NYX: variants seen among roughly 807,000 people sequenced by gnomAD.
The protein encoded by NYX is nyctalopin, also known as leucine-rich repeat protein.
For synonymous variants in NYX, 258 were observed against 245.7 expected, an observed-to-expected ratio of 1.05 and a Z score of -0.47; for missense variants, 481 against 485.4, an observed-to-expected ratio of 0.99 and a Z score of 0.09.
At chrX:41,462,932 A>C (rs1315901528) in intron 2 of NYX, among the ~76,000 whole-genome samples, 2 of 111,569 alleles carry the variant, frequency 1.8e-5, no homozygotes, top group Non-Finnish European at 3.8e-5. Flanking sequence ...GTGTCTTTGA[A>C]AGAGAAGAAG....
intron 2 of NYX, among the ~76,000 whole-genome samples, chrX:41,452,588 C>T (rs2147012086): frequency 9.0e-6 from 1 of 111,427 alleles, no homozygotes; most frequent in South Asian, 3.8e-4. Context: ...TATCCATTCC[C>T]CTATTGTCGG....
At chrX:41,461,437 A>G (rs1001452487) in intron 2 of NYX, among the ~76,000 whole-genome samples, 5 of 108,324 alleles carry the variant, frequency 4.6e-5, no homozygotes, top group South Asian at 3.9e-4. Context: ...TTGTTAACTG[A>G]TGGGCATTTG....
intron 2 of NYX, among the ~76,000 whole-genome samples, chrX:41,449,422 T>C (rs3013126): frequency 0.28 from 31,042 of 110,466 alleles, 3,576 homozygotes; most frequent in South Asian, 0.59. Context: ...AATTCTTTTA[T>C]AAGAGATTCA....
Position 41,473,892 on chromosome X carries a change from C to T in NYX, c.424C>T (p.Leu142Phe). Residue 142 changes from leucine (L) to phenylalanine (F), a missense_variant, in exon 3 of 3, where the codon CTC (leucine) becomes TTC (phenylalanine). Physicochemically the swap from Leu to Phe is conservative, Grantham distance 22. Transcript: ENST00000378220. ...LRRLDLAACR[L>F]FSVPERLLAE... ...CCGCCTAGACCTAGCAGCCTGCCGC[C>T]TCTTCAGCGTGCCCGAGCGCCTCCT... The T allele has an allele frequency of 2.7e-6, 3 of 1,130,148 alleles. No individual in the cohort carries two copies. The highest frequency in any genetic ancestry group is 2.0e-5 in the South Asian group (1 of 50,728). 93.1% of individuals were successfully genotyped at this position (1,130,148 alleles called of 1,213,427 possible).
At chrX:41,459,622 G>GAA (rs147415599) in intron 2 of NYX, among the ~76,000 whole-genome samples, 3 of 105,314 alleles carry the variant, frequency 2.8e-5, no homozygotes, top group Admixed American at 1.0e-4. Context: ...CTGTCTTGGG[G>GAA]AAAAAAAAAG....
chrX:41,464,705 A>G (rs2064332563), intron 2 of NYX, among the ~76,000 whole-genome samples: 1 of 63,250 alleles, frequency 1.6e-5, no homozygotes, highest in African/African-American at 5.8e-5. Context: ...GTTTTATGTT[A>G]CTTGGGGCTT....
chrX:41,455,526 G>A (rs191938022), intron 2 of NYX, among the ~76,000 whole-genome samples: 121 of 110,116 alleles, frequency 1.1e-3, no homozygotes, highest in African/African-American at 3.9e-3. Flanking sequence ...AAGACCGAAT[G>A]TTCTGGAAAG....
chrX:41,459,343 G>A (rs2064309865), intron 2 of NYX, among the ~76,000 whole-genome samples: 1 of 111,043 alleles, frequency 9.0e-6, no homozygotes, highest in Non-Finnish European at 1.9e-5. Flanking sequence ...TATAGGCTGG[G>A]TGTGGTGGCT....
rs764736358 is a variant in NYX, at chrX:41,474,807, G to T, written c.1339G>T (p.Gly447Ter). ...CGACAGCCTCTCCTCCCGTGGGGTG[G>T]GAGGCGCGGGCCGGCAGCCCTGGTT... ...LSDSLSSRGVGGAGRQPWFLL... is the reference protein window; with the variant it reads ...LSDSLSSRGV The change falls in exon 3 of 3, where the codon GGA (glycine) becomes TGA (stop). Residue 447 changes from glycine to a stop codon, truncating the protein, a stop_gained. Transcript: ENST00000378220. LOFTEE classifies it low-confidence loss of function (END_TRUNC). 37 of 1,201,563 alleles carry T rather than the reference G, an allele frequency of 3.1e-5. No homozygotes were observed. Among genetic ancestry groups the T allele is most frequent in the Non-Finnish European group, 3.9e-5 (35 of 891,734 alleles).
At chrX:41,466,787 C>CTTTTT (rs747247175) in intron 2 of NYX, among the ~76,000 whole-genome samples, 7 of 20,505 alleles carry the variant, frequency 3.4e-4, no homozygotes, top group African/African-American at 4.1e-4. Flanking sequence ...CCAGACTGGT[C>CTTTTT]TTTTTTTTTT....
At chrX:41,473,193 A>C (rs1437344491) in intron 2 of NYX, among the ~76,000 whole-genome samples, 1 of 112,093 alleles carries the variant, frequency 8.9e-6, no homozygotes, top group Non-Finnish European at 1.9e-5. Context: ...CTAGGAGCAC[A>C]CAAGTGGTGG....
In NYX at chrX:41,473,521, C is replaced by G; in HGVS notation, c.53C>G (p.Ala18Gly). The change falls in exon 3 of 3, where the codon GCC becomes GGC. Residue 18 changes from alanine (A) to glycine (G), a missense_variant. By Grantham distance (60) the Ala-to-Gly change is moderately conservative. Transcript: ENST00000378220. ...GTCCTCGGCCTGCCCAGCGCCTGGG[C>G]CGTGGGGGCCTGCGCCCGCGCTTGT... Reference protein sequence around the residue: ...AVVLGLPSAWAVGACARACPA... With the variant: ...AVVLGLPSAWGVGACARACPA... 1.0e-6 allele frequency: 1 copy of G among 994,258 alleles called. No homozygotes were observed. Among genetic ancestry groups the G allele is most frequent in the Non-Finnish European group, 1.3e-6 (1 of 787,242 alleles). The allele number at this position is 994,258 out of a possible 1,213,427, so 81.9% of individuals were successfully genotyped here.
rs141409352 is a variant in NYX, at chrX:41,464,390, C to T, written c.23-9101C>T. ...CTGGGCTCAAGCGATCCACCCACCT[C>T]GGCCTCCAAAAGTGCTAGGATTACA... On this transcript the variant is annotated intron_variant, in intron 2 of 2. Coordinates refer to ENST00000378220, the MANE Select transcript of NYX (RefSeq NM_001378477.3). 3.6e-3 allele frequency among the ~76,000 whole-genome samples: 402 copies of T among 111,382 alleles called. 2 individuals are homozygous for T. The highest frequency in any genetic ancestry group is 0.013 in the African/African-American group (386 of 30,701).
intron 2 of NYX, among the ~76,000 whole-genome samples, chrX:41,449,864 A>C (rs952191453): frequency 1.8e-5 from 2 of 111,865 alleles, no homozygotes; most frequent in Non-Finnish European, 3.8e-5. Flanking sequence ...TTTAATTTAA[A>C]ACACACTCTA....
At chrX:41,472,764 C>G (rs1362528107) in intron 2 of NYX, 2 of 280,410 alleles carry the variant, frequency 7.1e-6, no homozygotes, top group East Asian at 1.1e-4. Context: ...CCTGCGCCAC[C>G]GCCACCAACC....
chrX:41,467,055 C>T (rs1451705953), intron 2 of NYX, among the ~76,000 whole-genome samples: 4 of 109,785 alleles, frequency 3.6e-5, no homozygotes, highest in Admixed American at 9.9e-5. Flanking sequence ...CCACCCACCT[C>T]GGCCTCCCAA....
rs1390976430 is a variant in NYX at position 41,474,290 on chromosome X, G to C, written c.822G>C (p.Glu274Asp). Residue 274 changes from glutamate (E) to aspartate (D), a missense_variant, in exon 3 of 3, where the codon GAG becomes GAC. Glu to Asp is a conservative substitution (Grantham distance 45). Coordinates refer to ENST00000378220, the MANE Select transcript of NYX (RefSeq NM_001378477.3). The stretch of plus-strand genomic sequence containing the variant: ...GCGCCTGGTTCGCTGACCTGGCCGA[G>C]CTCGAGCTGCTCTACCTGGACCGCA... The part of the protein sequence containing the change: ...VARAWFADLA[E>D]LELLYLDRNS... 4 of 1,206,445 alleles carry C rather than the reference G, an allele frequency of 3.3e-6. No individual in the cohort carries two copies. In the African/African-American group the frequency reaches 6.9e-5, roughly 21 times the overall value.
At position 41,474,117 on chromosome X, in the gene NYX, C is replaced by A. The variant is rs934859883; in HGVS notation, c.649C>A (p.His217Asn). ...GCAGGCCAACCGCGTCCGTGCCGTG[C>A]ACGCTGGCGCCTTCGGGGACTGTGG... is the stretch of plus-strand genomic sequence containing the variant. ...SLQANRVRAV[H>N]AGAFGDCGVL... Residue 217 changes from histidine (H) to asparagine (N), a missense_variant, in exon 3 of 3, where the codon CAC becomes AAC. His to Asn is a moderately conservative substitution (Grantham distance 68). Coordinates refer to ENST00000378220, the MANE Select transcript of NYX (RefSeq NM_001378477.3). The A allele has an allele frequency of 1.8e-6, 2 of 1,123,491 alleles. No homozygotes were observed. The highest frequency in any genetic ancestry group is 5.8e-5 in the Admixed American group (2 of 34,193). The allele number at this position is 1,123,491 out of a possible 1,213,427, so 92.6% of individuals were successfully genotyped here.
intron 2 of NYX, among the ~76,000 whole-genome samples, chrX:41,464,084 A>T (rs1355018180): frequency 9.0e-6 from 1 of 110,677 alleles, no homozygotes; most frequent in East Asian, 2.8e-4. Flanking sequence ...TACTGGAGAG[A>T]GAGAGAATTC....
Sources: allele counts gnomAD v4.1 joint callset (sites outside exome capture counted in the v4.1 genomes callset), GRCh38; gene constraint gnomAD v4.1.1; transcripts MANE v1.5; gene names NCBI Gene and HGNC (gene_info 2026-07-23, HGNC 2026-07-21).